The following NEB variants were observed in gnomAD, a reference collection of about 807,000 sequenced individuals.
NEB encodes the protein nebulin.
In NEB, 512 loss-of-function variants were observed where a neutral mutation model predicts 952.2. The ratio of observed to expected loss-of-function variants is 0.54; its 90% CI spans 0.50 to 0.58. The LOEUF is 0.58. Among genes scored for constraint, NEB ranks in the 20% least tolerant of loss-of-function variants. The probability of loss-of-function intolerance (pLI) is 0.00; values close to 1 mark genes in which losing one functional copy is unlikely to be tolerated. For synonymous variants in NEB, 2,900 were observed against 3,149.8 expected, an observed-to-expected ratio of 0.92 and a Z score of 2.66; for missense variants, 8,428 against 9,231.1, an observed-to-expected ratio of 0.91 and a Z score of 3.56.
In NEB at chr2:151,620,343, GTGTGTA is replaced by G. The variant is rs1445343522; in HGVS notation, c.10560+570_10560+575del. On this transcript the variant is annotated intron_variant, in intron 72 of 181. Coordinates refer to ENST00000397345, the MANE Select transcript of NEB (RefSeq NM_001164508.2). ...AATTTTATTATATATATATGTATGT[GTGTGTA>G]TATATATATATATATATATATATAT... is the stretch of plus-strand genomic sequence containing the variant. Among the ~76,000 whole-genome samples the G allele has an allele frequency of 9.0e-3, 439 of 48,828 alleles. 4 individuals carry two copies. The highest frequency in any genetic ancestry group is 0.024 in the African/African-American group (407 of 16,648). The allele number at this position is 48,828 out of a possible 152,430, so 32.0% of individuals were successfully genotyped here. A position where few individuals can be genotyped will look rare whatever the true frequency, so the allele number is the denominator to read the frequency against.
Position 151,562,614 on chromosome 2 carries a change from A to G in NEB, c.18888T>C (p.Ser6296=). 1.3e-6 allele frequency: 2 copies of G among 1,566,496 alleles called. No homozygotes were observed. The highest frequency in any genetic ancestry group is 1.7e-6 in the Non-Finnish European group (2 of 1,147,708). Residue 6296 remains serine (S), a synonymous_variant, in exon 120 of 182, where the codon AGT becomes AGC. Transcript: ENST00000397345. ...IRVRNAQEIL[S]DNVYKDDLNW... Reference sequence around the variant, plus strand: ...AGCTGCAGAAGGGACATCATACATCACTCAAGATCTCCTGGGCGTTTCGGA... The same window carrying G: ...AGCTGCAGAAGGGACATCATACATCGCTCAAGATCTCCTGGGCGTTTCGGA...
In NEB at chr2:151,683,458, G is replaced by A. The variant is rs548061398; in HGVS notation, c.2836-689C>T. Reference sequence around the variant, plus strand: ...TTTTAGATACAAAATTCAAACTGTTGTTTTTTACTCTGGGCATTTTAAGTA... The same window carrying A: ...TTTTAGATACAAAATTCAAACTGTTATTTTTTACTCTGGGCATTTTAAGTA... On this transcript the variant is annotated intron_variant, in intron 28 of 181. Transcript: ENST00000397345. Among the ~76,000 whole-genome samples the A allele has an allele frequency of 9.2e-5, 14 of 152,206 alleles. No individual in the cohort carries two copies. In the East Asian group the frequency reaches 2.7e-3, roughly 29 times the overall value.
chr2:151,638,926 G>C (rs1338649379), intron 63 of NEB, among the ~76,000 whole-genome samples: 2 of 151,754 alleles, frequency 1.3e-5, no homozygotes, highest in Non-Finnish European at 2.9e-5. Context: ...ACCACACTTA[G>C]GAACAATATA....
At chr2:151,630,452 C>T (rs1230085662) in intron 67 of NEB, among the ~76,000 whole-genome samples, 9 of 152,202 alleles carry the variant, frequency 5.9e-5, no homozygotes, top group Admixed American at 5.9e-4. Flanking sequence ...AGTATTTTAT[C>T]TGACAATCCT....
At chr2:151,723,512 A>G in intron 8 of NEB, 26 bp from the exon 9 acceptor site, 2 of 1,500,802 alleles carry the variant, frequency 1.3e-6, no homozygotes, top group African/African-American at 1.4e-5. Flanking sequence ...GTGAAAAGTT[A>G]GGAGGAAGTA....
chr2:151,692,465 TTA>T (rs2099562882), intron 20 of NEB, 103 bp from the exon 21 acceptor site: 5 of 895,838 alleles, frequency 5.6e-6, no homozygotes, highest in Non-Finnish European at 8.9e-6. Flanking sequence ...GGGGCAAAAT[TTA>T]TGTTTTCTCA....
intron 51 of NEB, 115 bp downstream of exon 51, chr2:151,655,155 T>C (rs2099074664): frequency 1.6e-6 from 1 of 613,310 alleles, no homozygotes; most frequent in Admixed American, 2.8e-5. Flanking sequence ...CTAATCAGTG[T>C]GTCATTTCCA....
chr2:151,694,385 G>C lies in NEB; in HGVS notation c.1834C>G (p.Leu612Val). 6.2e-7 allele frequency: 1 copy of C among 1,613,934 alleles called. No individual in the cohort carries two copies. Among genetic ancestry groups the C allele is most frequent in the African/African-American group, 1.3e-5 (1 of 75,022 alleles). Residue 612 changes from leucine (L) to valine (V), a missense_variant, in exon 20 of 182, where the codon CTC becomes GTC. Leu to Val is a conservative substitution (Grantham distance 32). Transcript: ENST00000397345. ...ATCTTGGGATCGTCATTAATGCTGAGGACTCCAATCATTTTCCCTTTGTTT... is the reference window on the plus strand; with the variant it reads ...ATCTTGGGATCGTCATTAATGCTGACGACTCCAATCATTTTCCCTTTGTTT... ...EKNKGKMIGV[L>V]SINDDPKMLH...
chr2:151,535,373 G>A (rs1327630234), intron 142 of NEB, among the ~76,000 whole-genome samples: 1 of 152,190 alleles, frequency 6.6e-6, no homozygotes, highest in Admixed American at 6.5e-5. Flanking sequence ...ATATAAGGGA[G>A]TTCCGCTGAC....
At chr2:151,691,426 T>G (rs2099549721) in intron 23 of NEB, among the ~76,000 whole-genome samples, 1 of 152,180 alleles carries the variant, frequency 6.6e-6, no homozygotes, top group South Asian at 2.1e-4. Flanking sequence ...TTATTATTGC[T>G]TGATATCTTT....
chr2:151,546,426 G>A lies in NEB; in HGVS notation c.20385C>T (p.Asp6795=), dbSNP rs2153608107. Reference sequence around the variant, plus strand: ...AGCCAAATCCCTTCAGGACCTGCAAGTCCTCTTTGTATTTAATCTGAGAGG... The same window carrying A: ...AGCCAAATCCCTTCAGGACCTGCAAATCCTCTTTGTATTTAATCTGAGAGG... ...DITSDIKYKE[D]LQVLKGFGCF... is the part of the protein sequence containing the mutation. The change falls in exon 134 of 182, where the codon GAC becomes GAT. Residue 6795 remains aspartate (D), a synonymous_variant. Transcript: ENST00000397345. 1.9e-6 allele frequency: 3 copies of A among 1,612,882 alleles called. No individual in the cohort carries two copies. The highest frequency in any genetic ancestry group is 1.7e-6 in the Non-Finnish European group (2 of 1,178,946).
At chr2:151,534,362 A>G in intron 142 of NEB, 1 of 1,537,966 alleles carries the variant, frequency 6.5e-7, no homozygotes, top group Non-Finnish European at 9.0e-7. Flanking sequence ...GTACAACTTC[A>G]AGGCTACACA....
chr2:151,687,649 CT>C lies in NEB; in HGVS notation c.2499del (p.Ala834ProfsTer9), dbSNP rs1553564693. ...ACATCGCTGGTGTTCTTGGTGTTGGCTTTGGCTGCCAACAGGGGAATGGCGT... is the reference window on the plus strand; with the variant it reads ...ACATCGCTGGTGTTCTTGGTGTTGGCTTGGCTGCCAACAGGGGAATGGCGT... Reference protein sequence around the residue: ...KVDAIPLLAAKANTKNTSDVM... With the variant: ...KVDAIPLLAAXANTKNTSDVM... On this transcript the variant is annotated frameshift_variant, in exon 26 of 182. Coordinates refer to ENST00000397345, the MANE Select transcript of NEB (RefSeq NM_001164508.2). LOFTEE classifies it high-confidence loss of function. The C allele has an allele frequency of 1.9e-6, 3 of 1,612,200 alleles. No individual in the cohort carries two copies. Among genetic ancestry groups the C allele is most frequent in the Non-Finnish European group, 2.5e-6 (3 of 1,178,846 alleles).
intron 9 of NEB, among the ~76,000 whole-genome samples, chr2:151,719,800 G>T (rs1199574038): frequency 1.3e-5 from 2 of 150,574 alleles, no homozygotes; most frequent in African/African-American, 4.9e-5. Flanking sequence ...GATCACTTGA[G>T]CCTGGGAGGT....
chr2:151,493,393 T>C lies in NEB; in HGVS notation c.24725A>G (p.Glu8242Gly), dbSNP rs2058045789. The C allele has an allele frequency of 6.2e-7, 1 of 1,612,018 alleles. No individual in the cohort carries two copies. Among genetic ancestry groups the C allele is most frequent in the Non-Finnish European group, 8.5e-7 (1 of 1,179,300 alleles). Residue 8242 changes from glutamate to glycine, a missense_variant, in exon 176 of 182, where the codon GAG becomes GGG. Around this residue, in one of 11 missense-constraint regions of NEB, gnomAD observed 3,374 missense variants for 3,651.5 expected, o/e 0.92. Transcript: ENST00000397345. ...RKATPTPVTP[E>G]MERAKRNQEN... ...TTGGTTGCGCTTAGCTCTCTCCATC[T>C]CTGGAGTAACAGGTGTCGGAGTTGC... is the stretch of plus-strand genomic sequence containing the variant.
rs2076117420 is a variant in NEB at position 151,513,817 on chromosome 2, ACTCTTCACCTTCG to A, written c.23128-137_23128-125del. The stretch of plus-strand genomic sequence containing the variant: ...GTTGTCACAGATAGTGTCGCTTGCT[ACTCTTCACCTTCG>A]CTCTTCCGTGTGGTAGGATGAAGTG... On this transcript the variant is annotated intron_variant, in intron 159 of 181. Coordinates refer to ENST00000397345, the MANE Select transcript of NEB (RefSeq NM_001164508.2). 5 of 694,106 alleles carry A rather than the reference ACTCTTCACCTTCG, an allele frequency of 7.2e-6. No individual in the cohort carries two copies. In the South Asian group the frequency reaches 8.9e-5, roughly 12 times the overall value. The allele number at this position is 694,106 out of a possible 1,614,324, so 43.0% of individuals were successfully genotyped here.
chr2:151,554,997 T>C lies in NEB; in HGVS notation c.19362A>G (p.Leu6454=), dbSNP rs2153666184. Residue 6454 remains leucine, a synonymous_variant, in exon 125 of 182, where the codon TTA becomes TTG. Transcript: ENST00000397345. ...TCGGATCATCGTCAACACTTCTTGGTAACGTATAAAGAGCTTTGAACTTTT... is the reference window on the plus strand; with the variant it reads ...TCGGATCATCGTCAACACTTCTTGGCAACGTATAAAGAGCTTTGAACTTTT... ...EYEKFKALYT[L]PRSVDDDPNT... is the part of the protein sequence containing the mutation. 1.2e-6 allele frequency: 2 copies of C among 1,613,858 alleles called. No homozygotes were observed. The highest frequency in any genetic ancestry group is 1.7e-4 in the Middle Eastern group (1 of 6,060).
At chr2:151,533,248 G>T (rs2092214634) in intron 143 of NEB, among the ~76,000 whole-genome samples, 194 bp downstream of exon 143, 1 of 152,196 alleles carries the variant, frequency 6.6e-6, no homozygotes, top group Non-Finnish European at 1.5e-5. Flanking sequence ...AGTGTCAGAT[G>T]ATGTACGGAT....
chr2:151,574,094 T>C (rs1483453091), intron 107 of NEB, among the ~76,000 whole-genome samples: 2 of 151,996 alleles, frequency 1.3e-5, no homozygotes, highest in African/African-American at 2.4e-5. Flanking sequence ...CCTGCCTCAG[T>C]CTCCTGAGTA....
Sources: gnomAD v4.1 joint callset for allele counts (sites outside exome capture counted in the v4.1 genomes callset) on GRCh38, gnomAD v4.1.1 for gene constraint, gnomAD v4.1.1 regional missense constraint, MANE v1.5 for transcripts, NCBI Gene and HGNC (gene_info 2026-07-23, HGNC 2026-07-21) for gene names.